RNF130: variants seen among roughly 807,000 people sequenced by gnomAD.
RNF130 encodes E3 ubiquitin-protein ligase RNF130.
Under a neutral mutation model 44.6 loss-of-function variants are expected in RNF130, and 21 were observed. The observed-to-expected ratio is 0.47, with a 90% CI of 0.33 to 0.68. The LOEUF (loss-of-function observed/expected upper bound fraction) is 0.68, where lower values mean the gene tolerates loss of function less well. Ranked by LOEUF, RNF130 falls within the 30% of genes least tolerant of loss-of-function variation. The pLI, the probability that RNF130 is intolerant of heterozygous loss-of-function variation, is 0.02. For synonymous variants in RNF130, 214 were observed against 210.4 expected (o/e 1.02, Z -0.15); for missense variants, 479 against 560.6 (o/e 0.85, Z 1.47).
chr5:179,996,001 A>G (rs763433465), intron 3 of RNF130, among the ~76,000 whole-genome samples: 9 of 152,194 alleles, frequency 5.9e-5, no homozygotes, highest in African/African-American at 2.2e-4. Context: ...TCTGTGAATA[A>G]TATCACTGGC....
At chr5:179,958,582 G>A (rs1240607441) in intron 8 of RNF130, among the ~76,000 whole-genome samples, 2 of 152,186 alleles carry the variant, frequency 1.3e-5, no homozygotes, top group African/African-American at 4.8e-5. Flanking sequence ...CTGTGAACAG[G>A]TCTATCCTGT....
At position 180,071,616 on chromosome 5, in the gene RNF130, G is replaced by A. The variant is rs1186548158; in HGVS notation, c.87C>T (p.Asn29=). The A allele has an allele frequency of 1.3e-6, 2 of 1,505,102 alleles. No individual in the cohort carries two copies. The highest frequency in any genetic ancestry group is 8.9e-7 in the Non-Finnish European group (1 of 1,125,760). The allele number at this position is 1,505,102 out of a possible 1,614,324, so 93.2% of individuals were successfully genotyped here. A position where few individuals can be genotyped will look rare whatever the true frequency, so the allele number is the denominator to read the frequency against. The change falls in exon 1 of 9, where the codon AAC becomes AAT. Residue 29 remains asparagine (N), a synonymous_variant. Coordinates refer to ENST00000521389, the MANE Select transcript of RNF130 (RefSeq NM_018434.6). ...GCGCCGTGTAGTACTCCTGGCTCGCGTTGTCTGCCCGTGCCGGCCACAGGC... is the reference window on the plus strand; with the variant it reads ...GCGCCGTGTAGTACTCCTGGCTCGCATTGTCTGCCCGTGCCGGCCACAGGC... The part of the protein sequence containing the change: ...TCSLWPARAD[N]ASQEYYTALI...
chr5:179,962,929 G>A (rs1283576216), intron 8 of RNF130, among the ~76,000 whole-genome samples: 1 of 152,180 alleles, frequency 6.6e-6, no homozygotes, highest in African/African-American at 2.4e-5. Context: ...TTTTGCCCAT[G>A]GAGATAGCGC....
At chr5:179,972,545 C>T (rs1263854216) in intron 5 of RNF130, among the ~76,000 whole-genome samples, 1 of 151,346 alleles carries the variant, frequency 6.6e-6, no homozygotes, top group African/African-American at 2.4e-5. Flanking sequence ...GCCTAGGTGC[C>T]TTGACTTCTG....
At position 180,046,290 on chromosome 5, in the gene RNF130, G is replaced by T. The variant is rs970026078; in HGVS notation, c.248-5643C>A. On this transcript the variant is annotated intron_variant, in intron 1 of 8. Coordinates refer to ENST00000521389, the MANE Select transcript of RNF130 (RefSeq NM_018434.6). Reference sequence around the variant, plus strand: ...GCCAGCCCAGAGAGGGGCTCCCACAGTGCAGTGGTGGGCTGAAGGGCTCCT... The same window carrying T: ...GCCAGCCCAGAGAGGGGCTCCCACATTGCAGTGGTGGGCTGAAGGGCTCCT... Among the ~76,000 whole-genome samples, 39 of 152,298 alleles carry T rather than the reference G, an allele frequency of 2.6e-4. 1 individual carries two copies. The East Asian group carries it at 4.5e-3, about 17-fold the overall frequency.
At chr5:179,985,240 G>C (rs1762928411) in intron 3 of RNF130, among the ~76,000 whole-genome samples, 1 of 130,260 alleles carries the variant, frequency 7.7e-6, no homozygotes, top group African/African-American at 2.9e-5. Context: ...GTGAAATCAT[G>C]TACTACGTCT....
intron 2 of RNF130, among the ~76,000 whole-genome samples, chr5:180,029,648 T>C (rs1322346952): frequency 1.3e-5 from 2 of 152,198 alleles, no homozygotes; most frequent in East Asian, 1.9e-4. Context: ...TTGTGAACAA[T>C]ACAGCCATGT....
intron 5 of RNF130, among the ~76,000 whole-genome samples, chr5:179,975,926 G>T (rs1762707660): frequency 6.6e-6 from 1 of 152,168 alleles, no homozygotes; most frequent in African/African-American, 2.4e-5. Context: ...GAATCGGGCG[G>T]GAACTTATAA....
chr5:180,010,519 C>T (rs73350154), intron 3 of RNF130, among the ~76,000 whole-genome samples: 17,189 of 151,888 alleles, frequency 0.11, 2,119 homozygotes, highest in African/African-American at 0.31. Context: ...GGCACCTTGC[C>T]CAGCTACATT....
At chr5:180,065,036 AAC>A (rs1582234734) in intron 1 of RNF130, among the ~76,000 whole-genome samples, 1 of 151,794 alleles carries the variant, frequency 6.6e-6, no homozygotes, top group East Asian at 1.9e-4. Context: ...CTAGAGAAAA[AAC>A]ACGCCTTTTT....
intron 3 of RNF130, among the ~76,000 whole-genome samples, chr5:179,986,219 A>G (rs922621675): frequency 4.6e-5 from 7 of 152,244 alleles, no homozygotes; most frequent in African/African-American, 1.4e-4. Flanking sequence ...AGCTATAGCA[A>G]TGGCTTCATG....
chr5:179,963,730 A>G, intron 7 of RNF130, 166 bp from the exon 8 acceptor site: 1 of 624,212 alleles, frequency 1.6e-6, no homozygotes, highest in Admixed American at 2.4e-5. Flanking sequence ...CTAACTGGAG[A>G]AGGTTAGTGG....
intron 2 of RNF130, among the ~76,000 whole-genome samples, chr5:180,013,856 A>G (rs2113086994): frequency 6.6e-6 from 1 of 152,358 alleles, no homozygotes; most frequent in East Asian, 1.9e-4. Context: ...AGTACAGGAT[A>G]CCAAGCTTTC....
intron 2 of RNF130, among the ~76,000 whole-genome samples, chr5:180,018,797 T>C (rs10794702): frequency 1 from 152,035 of 152,310 alleles, 75,880 homozygotes; most frequent in Middle Eastern, 1. Flanking sequence ...TGCTTTAGTT[T>C]AGAAAGTGAG....
At position 179,948,210 on chromosome 5, in the gene RNF130, T is replaced by C. The variant is rs540484311; in HGVS notation, c.1150+18596A>G. Among the ~76,000 whole-genome samples the C allele has an allele frequency of 2.0e-5, 3 of 152,344 alleles. No homozygotes were observed. In the East Asian group the frequency reaches 5.8e-4, roughly 29 times the overall value. On this transcript the variant is annotated intron_variant, in intron 7 of 7. Transcript: ENST00000522208. ...AACTATATCTTCTCTCATTCAGATA[T>C]TGCGAAGATTAAAATGGTTATACAT...
intron 7 of RNF130, among the ~76,000 whole-genome samples, chr5:179,932,882 C>T (rs1761829297): frequency 6.6e-6 from 1 of 152,060 alleles, no homozygotes; most frequent in African/African-American, 2.4e-5. Flanking sequence ...AGAAATTAAC[C>T]TGTAATTTTC....
chr5:179,972,544 C>T (rs1762608276), intron 5 of RNF130, among the ~76,000 whole-genome samples: 1 of 151,890 alleles, frequency 6.6e-6, no homozygotes, highest in Non-Finnish European at 1.5e-5. Flanking sequence ...GGCCTAGGTG[C>T]CTTGACTTCT....
intron 7 of RNF130, among the ~76,000 whole-genome samples, chr5:179,943,010 C>A (rs1761986692): frequency 6.6e-6 from 1 of 152,186 alleles, no homozygotes; most frequent in African/African-American, 2.4e-5. Context: ...TCCTGGCCAA[C>A]ATGGTGAAAC....
intron 2 of RNF130, among the ~76,000 whole-genome samples, chr5:180,033,918 G>GA (rs1045680744): frequency 2.0e-5 from 3 of 152,104 alleles, no homozygotes; most frequent in Non-Finnish European, 4.4e-5. Flanking sequence ...AAAACCACAA[G>GA]AAAAATGTTG....
Sources: gnomAD v4.1 joint callset for allele counts (sites outside exome capture counted in the v4.1 genomes callset) on GRCh38, gnomAD v4.1.1 for gene constraint, MANE v1.5 for transcripts, NCBI Gene and HGNC (gene_info 2026-07-23, HGNC 2026-07-21) for gene names.